The following ETFA variants were observed in gnomAD, a reference collection of about 807,000 sequenced individuals.
ETFA encodes the protein electron transfer flavoprotein subunit alpha, also known as electron transfer flavoprotein subunit alpha, mitochondrial.
Under a neutral mutation model 46.2 loss-of-function variants are expected in ETFA, and 22 were observed. The ratio of observed to expected loss-of-function variants is 0.48; its 90% CI spans 0.34 to 0.68. The LOEUF (loss-of-function observed/expected upper bound fraction) is 0.68. Ranked by LOEUF, ETFA falls within the 30% of genes least tolerant of loss-of-function variation. The pLI is 0.01. For synonymous variants in ETFA, 131 were observed against 139.9 expected (o/e 0.94, Z 0.45); for missense variants, 345 against 401.1 (o/e 0.86, Z 1.19).
chr15:76,219,279 A>C (rs1464442048), intron 11 of ETFA, among the ~76,000 whole-genome samples: 2 of 152,342 alleles, frequency 1.3e-5, no homozygotes, highest in South Asian at 4.1e-4. Flanking sequence ...TCACATGCCA[A>C]AGAATGAAGT....
intron 9 of ETFA, chr15:76,260,604 G>A: frequency 6.6e-7 from 1 of 1,516,222 alleles, no homozygotes; most frequent in Non-Finnish European, 9.1e-7. Flanking sequence ...CTCATCCTGG[G>A]TTCCATTGTC....
chr15:76,286,976 AC>A (rs2039710339), intron 5 of ETFA, among the ~76,000 whole-genome samples: 1 of 152,242 alleles, frequency 6.6e-6, no homozygotes, highest in Non-Finnish European at 1.5e-5. Flanking sequence ...ATTAACAGTA[AC>A]CTAAACCATG....
At chr15:76,279,628 A>G (rs907075472) in intron 8 of ETFA, among the ~76,000 whole-genome samples, 1 of 151,804 alleles carries the variant, frequency 6.6e-6, no homozygotes, top group Non-Finnish European at 1.5e-5. Context: ...CCATCACTCC[A>G]CTGAAACTGC....
In ETFA at chr15:76,292,471, T is replaced by C. The variant is rs1311174318; in HGVS notation, c.311A>G (p.Asn104Ser). The change falls in exon 4 of 12, where the codon AAT becomes AGT. Residue 104 changes from asparagine to serine, a missense_variant. Physicochemically the swap from Asn to Ser is conservative, Grantham distance 46. Coordinates refer to ENST00000557943, the MANE Select transcript of ETFA (RefSeq NM_000126.4). The stretch of plus-strand genomic sequence containing the variant: ...TGCTCCAGCACAGATGTGTGTGTAA[T>C]TGAACTGCTTCTGAGTTGCCAAAAT... The part of the protein sequence containing the change: ...PLILATQKQF[N>S]YTHICAGASA... 6.2e-6 allele frequency: 10 copies of C among 1,614,038 alleles called. No individual in the cohort carries two copies. Among genetic ancestry groups the C allele is most frequent in the East Asian group, 2.2e-5 (1 of 44,884 alleles).
At chr15:76,251,056 G>T (rs773146546) in intron 9 of ETFA, among the ~76,000 whole-genome samples, 2 of 151,950 alleles carry the variant, frequency 1.3e-5, no homozygotes, top group Non-Finnish European at 2.9e-5. Flanking sequence ...GGAATACAGC[G>T]AATATAAGCT....
At chr15:76,222,297 A>G (rs1287869584) in intron 11 of ETFA, among the ~76,000 whole-genome samples, 2 of 148,676 alleles carry the variant, frequency 1.3e-5, no homozygotes, top group Non-Finnish European at 3.0e-5. Flanking sequence ...AATATATAAC[A>G]TTAAGAAATA....
chr15:76,287,853 A>G lies in ETFA; in HGVS notation c.444T>C (p.Ile148=). The G allele has an allele frequency of 6.2e-7, 1 of 1,606,184 alleles. No homozygotes were observed. Among genetic ancestry groups the G allele is most frequent in the East Asian group, 2.2e-5 (1 of 44,828 alleles). ...TCTTCCTTGAGTACTCACCTGCATA[A>G]ATAGTTCTCACAAATGTGTCAGGTG... ...IKSPDTFVRT[I]YAGNALCTVK... is the part of the protein sequence containing the mutation. Residue 148 remains isoleucine (I), a synonymous_variant, in exon 5 of 12, where the codon ATT becomes ATC. Transcript: ENST00000557943.
chr15:76,274,702 T>C lies in ETFA; in HGVS notation c.734-208A>G, dbSNP rs2039575613. ...AACTCTTCTGCATGCTTTATCAAAA[T>C]GGCAGTCATAAAATTTACACTATAA... On this transcript the variant is annotated intron_variant, in intron 8 of 11. Transcript: ENST00000557943. Among the ~76,000 whole-genome samples the C allele has an allele frequency of 2.6e-5, 4 of 152,336 alleles. No homozygotes were observed. In the South Asian group the frequency reaches 6.2e-4, roughly 24 times the overall value.
At chr15:76,235,546 T>C (rs1279809729) in intron 9 of ETFA, among the ~76,000 whole-genome samples, 1 of 152,040 alleles carries the variant, frequency 6.6e-6, no homozygotes, top group Non-Finnish European at 1.5e-5. Flanking sequence ...TAGGAAAGAG[T>C]TGAGCAGCAC....
At chr15:76,272,260 G>A (rs1224780229) in intron 9 of ETFA, among the ~76,000 whole-genome samples, 1 of 141,046 alleles carries the variant, frequency 7.1e-6, no homozygotes, top group East Asian at 2.0e-4. Flanking sequence ...CGCTCTTGTC[G>A]CCCAGGCTGG....
In ETFA at chr15:76,295,936, C is replaced by CTTTTTTTTTTTTTTTTT. The variant is rs1157687784; in HGVS notation, c.40-216_40-200dup. Among the ~76,000 whole-genome samples the CTTTTTTTTTTTTTTTTT allele has an allele frequency of 3.0e-3, 139 of 46,594 alleles. 38 individuals are homozygous for CTTTTTTTTTTTTTTTTT. The highest frequency in any genetic ancestry group is 3.7e-3 in the Non-Finnish European group (88 of 23,544). The allele number at this position is 46,594 out of a possible 152,430, so 30.6% of individuals were successfully genotyped here. A position where few individuals can be genotyped will look rare whatever the true frequency, so the allele number is the denominator to read the frequency against. ...TGTCTATCACTGTACCACTAATATT[C>CTTTTTTTTTTTTTTTTT]TTTTTTTTTTTTTTTTTTTTTTTGA... On this transcript the variant is annotated intron_variant, in intron 1 of 11. Coordinates refer to ENST00000557943, the MANE Select transcript of ETFA (RefSeq NM_000126.4).
rs1411319891 is a variant in ETFA at position 76,248,297 on chromosome 15, ATG to A, written c.817-16901_817-16900del. On this transcript the variant is annotated intron_variant, in intron 9 of 11. Coordinates refer to ENST00000557943, the MANE Select transcript of ETFA (RefSeq NM_000126.4). Reference sequence around the variant, plus strand: ...TGTGCATTAGTGGAGGAGAGAGGGAATGTGTAATAAATGGTGCTGAGGTACCT... The same window carrying A: ...TGTGCATTAGTGGAGGAGAGAGGGAATGTAATAAATGGTGCTGAGGTACCT... Among the ~76,000 whole-genome samples the A allele has an allele frequency of 3.3e-5, 5 of 152,184 alleles. No individual in the cohort carries two copies. The East Asian group carries it at 9.6e-4, about 29-fold the overall frequency.
chr15:76,227,724 T>G, intron 10 of ETFA: 1 of 437,456 alleles, frequency 2.3e-6, no homozygotes, highest in South Asian at 1.6e-5. Flanking sequence ...TGGCATTGTA[T>G]GTTGTGAAAA....
chr15:76,310,530 T>C (rs1289896541), intron 1 of ETFA, among the ~76,000 whole-genome samples: 1 of 152,170 alleles, frequency 6.6e-6, no homozygotes, highest in Non-Finnish European at 1.5e-5. Flanking sequence ...GACTGGTCAG[T>C]CTCCAAATAC....
chr15:76,265,402 G>C (rs1018815335), intron 9 of ETFA, among the ~76,000 whole-genome samples: 2 of 152,176 alleles, frequency 1.3e-5, no homozygotes, highest in Non-Finnish European at 2.9e-5. Context: ...AGGAGGCTTT[G>C]GTAGTACTAA....
intron 2 of ETFA, 111 bp downstream of exon 2, chr15:76,295,480 G>A: frequency 1.1e-6 from 1 of 909,626 alleles, no homozygotes; most frequent in Non-Finnish European, 1.8e-6. Context: ...CATTTAATGA[G>A]GATTAGAGCC....
At chr15:76,271,727 G>A (rs2039533550) in intron 9 of ETFA, among the ~76,000 whole-genome samples, 1 of 152,040 alleles carries the variant, frequency 6.6e-6, no homozygotes, top group South Asian at 2.1e-4. Flanking sequence ...AACCTATTTG[G>A]GGATGATCAC....
chr15:76,265,122 C>T (rs2039457313), intron 9 of ETFA, among the ~76,000 whole-genome samples: 1 of 152,214 alleles, frequency 6.6e-6, no homozygotes, highest in Non-Finnish European at 1.5e-5. Flanking sequence ...AGCACAATTC[C>T]TGTCTCCTTC....
chr15:76,231,102 T>TA (rs2039062479), intron 10 of ETFA: 2 of 507,338 alleles, frequency 3.9e-6, no homozygotes, highest in East Asian at 6.8e-5. Flanking sequence ...TGCATTAAGT[T>TA]AGCAGTGGAG....
Sources: gnomAD v4.1 joint callset for allele counts (sites outside exome capture counted in the v4.1 genomes callset) on GRCh38, gnomAD v4.1.1 for gene constraint, MANE v1.5 for transcripts, NCBI Gene and HGNC (gene_info 2026-07-23, HGNC 2026-07-21) for gene names.